SHISA6: variants seen among roughly 807,000 people sequenced by gnomAD.
SHISA6 encodes the protein shisa family member 6.
A neutral mutation model predicts 47.9 loss-of-function variants in SHISA6; 22 were observed. The observed-to-expected ratio is 0.46, with a 90% confidence interval of 0.33 to 0.66. The LOEUF is 0.66. Ranked by LOEUF, SHISA6 falls within the 30% of genes least tolerant of loss-of-function variation. SHISA6 has a pLI of 0.02. For missense variants in SHISA6, 680 were observed against 764.6 expected (o/e 0.89, Z 1.30); for synonymous variants, 388 against 337.8 (o/e 1.15, Z -1.63).
intron 2 of SHISA6, among the ~76,000 whole-genome samples, chr17:11,340,311 G>A (rs1051871808): frequency 6.6e-6 from 1 of 152,192 alleles, no homozygotes; most frequent in Admixed American, 6.5e-5. Context: ...TCTTCTGCAG[G>A]TCTTGCCTGA....
intron 2 of SHISA6, among the ~76,000 whole-genome samples, chr17:11,357,046 G>A (rs758872143): frequency 3.3e-5 from 5 of 152,032 alleles, no homozygotes; most frequent in Non-Finnish European, 7.4e-5. Context: ...ATAGCTGGGC[G>A]TGGTGGCAGG....
At chr17:11,382,169 C>T in intron 3 of SHISA6, among the ~76,000 whole-genome samples, 1 of 152,074 alleles carries the variant, frequency 6.6e-6, no homozygotes, top group East Asian at 1.9e-4. Context: ...AACTCCTGGG[C>T]TCAAGTGATC....
At chr17:11,276,762 CCAT>C (rs748283616) in intron 2 of SHISA6, among the ~76,000 whole-genome samples, 2 of 152,140 alleles carry the variant, frequency 1.3e-5, no homozygotes, top group Admixed American at 1.3e-4. Context: ...ACCATCATCA[CCAT>C]CATCATCATC....
At chr17:11,423,112 T>C (rs550936713) in intron 3 of SHISA6, among the ~76,000 whole-genome samples, 94 of 151,890 alleles carry the variant, frequency 6.2e-4, no homozygotes, top group Admixed American at 1.4e-3. Flanking sequence ...AGATTTTATT[T>C]ATCTCCCATA....
chr17:11,439,791 T>C (rs1173975273), intron 3 of SHISA6, among the ~76,000 whole-genome samples: 2 of 152,236 alleles, frequency 1.3e-5, no homozygotes, highest in Non-Finnish European at 2.9e-5. Flanking sequence ...CAACTCTGCC[T>C]CTTCCTGTCT....
intron 3 of SHISA6, among the ~76,000 whole-genome samples, chr17:11,400,330 C>G (rs1175462341): frequency 1.3e-5 from 2 of 152,200 alleles, no homozygotes; most frequent in Non-Finnish European, 2.9e-5. Flanking sequence ...CTCTCCAAAA[C>G]CAACTTCTTT....
chr17:11,481,582 TC>T (rs1425328995), intron 3 of SHISA6, among the ~76,000 whole-genome samples: 1 of 151,592 alleles, frequency 6.6e-6, no homozygotes, highest in East Asian at 2.0e-4. Flanking sequence ...AACCTGTGCT[TC>T]CCAGGTTTAA....
At chr17:11,290,076 G>T (rs1909466300) in intron 2 of SHISA6, 1 of 152,108 alleles carries the variant, frequency 6.6e-6, no homozygotes, top group African/African-American at 2.4e-5. Flanking sequence ...TTGCCCAAAG[G>T]TTACTCGGTG....
At chr17:11,350,347 T>C (rs1195153752) in intron 2 of SHISA6, among the ~76,000 whole-genome samples, 2 of 66 alleles carry the variant, frequency 0.03, 1 homozygote, top group Non-Finnish European at 1. Flanking sequence ...GCCCGGCTAA[T>C]TTTTTTGTCA....
intron 2 of SHISA6, among the ~76,000 whole-genome samples, chr17:11,353,572 T>C (rs543723851): frequency 6.6e-6 from 1 of 152,116 alleles, no homozygotes; most frequent in East Asian, 1.9e-4. Context: ...ATGCTCTGAT[T>C]GGAGGATGCA....
At chr17:11,362,661 T>C (rs918031888) in intron 2 of SHISA6, among the ~76,000 whole-genome samples, 2 of 152,236 alleles carry the variant, frequency 1.3e-5, no homozygotes, top group Admixed American at 1.3e-4. Flanking sequence ...AAGATTTAAT[T>C]TTCTCATGTG....
At chr17:11,381,202 C>T (rs1034110466) in intron 3 of SHISA6, among the ~76,000 whole-genome samples, 1 of 152,092 alleles carries the variant, frequency 6.6e-6, no homozygotes, top group African/African-American at 2.4e-5. Flanking sequence ...GCAGTGGTTC[C>T]CCACCCTTTC....
intron 3 of SHISA6, among the ~76,000 whole-genome samples, chr17:11,528,680 C>A (rs138487193): frequency 3.0e-4 from 46 of 152,210 alleles, no homozygotes; most frequent in Admixed American, 7.9e-4. Flanking sequence ...CACATTTTGG[C>A]AACCCAGGAG....
intron 3 of SHISA6, among the ~76,000 whole-genome samples, chr17:11,417,834 CA>C (rs1406024220): frequency 1.3e-5 from 2 of 152,096 alleles, no homozygotes; most frequent in African/African-American, 4.8e-5. Context: ...CCATTGTTAT[CA>C]GATAAGAGAT....
chr17:11,375,345 C>T (rs969575676), intron 2 of SHISA6, among the ~76,000 whole-genome samples: 1 of 151,950 alleles, frequency 6.6e-6, no homozygotes, highest in African/African-American at 2.4e-5. Context: ...TCTCTTTGTC[C>T]TTCCCCTCTG....
intron 1 of SHISA6, among the ~76,000 whole-genome samples, chr17:11,243,136 C>T (rs1294629581): frequency 6.6e-6 from 1 of 151,762 alleles, no homozygotes; most frequent in African/African-American, 2.4e-5. Context: ...GTCAGTCCTG[C>T]AGGCCCCCAC....
At chr17:11,481,524 G>A (rs866200635) in intron 3 of SHISA6, among the ~76,000 whole-genome samples, 8 of 148,852 alleles carry the variant, frequency 5.4e-5, no homozygotes, top group Admixed American at 2.0e-4. Flanking sequence ...ATGGAGTCTC[G>A]CTCCGTCGCC....
At chr17:11,380,845 TG>T (rs1317357331) in intron 3 of SHISA6, among the ~76,000 whole-genome samples, 2 of 152,134 alleles carry the variant, frequency 1.3e-5, no homozygotes, top group Non-Finnish European at 2.9e-5. Context: ...CACATGGTGC[TG>T]GATGTTGGCA....
chr17:11,436,614 C>T (rs1914949809), intron 3 of SHISA6, among the ~76,000 whole-genome samples: 1 of 152,130 alleles, frequency 6.6e-6, no homozygotes, highest in Non-Finnish European at 1.5e-5. Context: ...GCTTTTTCTG[C>T]TCGACTTTAA....
Sources: allele counts gnomAD v4.1 joint callset (sites outside exome capture counted in the v4.1 genomes callset), GRCh38; gene constraint gnomAD v4.1.1; transcripts MANE v1.5; gene names NCBI Gene and HGNC (gene_info 2026-07-23, HGNC 2026-07-21).